Variants in KAT6A observed in about 807,000 individuals in gnomAD.
The protein encoded by KAT6A is lysine acetyltransferase 6A.
Under a neutral mutation model 198.4 loss-of-function variants are expected in KAT6A, and 9 were observed. The observed-to-expected ratio is 0.05, with a 90% CI of 0.03 to 0.08. The LOEUF (loss-of-function observed/expected upper bound fraction) is 0.08. Ranked by LOEUF, KAT6A falls within the 10% of genes least tolerant of loss-of-function variation. The probability of loss-of-function intolerance (pLI) is 1.00; values close to 1 mark genes in which losing one functional copy is unlikely to be tolerated. For missense variants in KAT6A, 2,077 were observed against 2,509.9 expected, an observed-to-expected ratio of 0.83 and a Z score of 3.69; for synonymous variants, 890 against 883.0, an observed-to-expected ratio of 1.01 and a Z score of -0.14.
Position 41,942,941 on chromosome 8 carries a change from T to G in KAT6A, c.2288A>C (p.Asn763Thr). 6.2e-7 allele frequency: 1 copy of G among 1,614,160 alleles called. No individual in the cohort carries two copies. The highest frequency in any genetic ancestry group is 1.3e-5 in the African/African-American group (1 of 75,026). Residue 763 changes from asparagine (N) to threonine (T), a missense_variant, in exon 14 of 17, where the codon AAT (asparagine) becomes ACT (threonine). Physicochemically the swap from Asn to Thr is moderately conservative, Grantham distance 65. This residue lies in a region of KAT6A where 127 missense variants were observed against 209.6 expected (regional missense o/e 0.61). Coordinates refer to ENST00000265713, the MANE Select transcript of KAT6A (RefSeq NM_006766.5). ...IQDHMAKLQLNLRPVDVDPEC... is the reference protein window; with the variant it reads ...IQDHMAKLQLTLRPVDVDPEC... ...TGGATCTACATCTACAGGTCGCAAA[T>G]TCAGCTGAAGCTTTGCCATGTGATC...
chr8:42,044,135 C>G (rs1827795906), intron 2 of KAT6A, among the ~76,000 whole-genome samples: 1 of 134,680 alleles, frequency 7.4e-6, no homozygotes, highest in Admixed American at 8.3e-5. Context: ...GAGTCTTGCT[C>G]TGTTGCCCAG....
rs1822474623 is a variant in KAT6A, at chr8:41,947,916, G to A, written c.1741-4C>T. The A allele has an allele frequency of 6.3e-7, 1 of 1,591,440 alleles. No homozygotes were observed. The highest frequency in any genetic ancestry group is 1.2e-5 in the South Asian group (1 of 86,696). On this transcript the variant is annotated splice_region_variant and splice_polypyrimidine_tract_variant and intron_variant, in intron 10 of 16. Coordinates refer to ENST00000265713, the MANE Select transcript of KAT6A (RefSeq NM_006766.5). ...TGGTACTCACATTCCCATCAACCTA[G>A]AGAAATAAACAGAACAAAACAGTCA...
At chr8:41,962,910 G>A (rs539246769) in intron 8 of KAT6A, among the ~76,000 whole-genome samples, 37 of 152,116 alleles carry the variant, frequency 2.4e-4, no homozygotes, top group South Asian at 4.1e-4. Flanking sequence ...CTATTCCCCC[G>A]TTACCTACAT....
At chr8:41,944,562 C>T (rs957024552) in intron 12 of KAT6A, among the ~76,000 whole-genome samples, 1 of 152,038 alleles carries the variant, frequency 6.6e-6, no homozygotes, top group African/African-American at 2.4e-5. Flanking sequence ...GGCCTAACTT[C>T]TAAGGAAAAG....
rs769549472 is a variant in KAT6A, at chr8:41,934,102, G to A, written c.4118C>T (p.Ser1373Phe). The A allele has an allele frequency of 1.5e-5, 24 of 1,613,904 alleles. No individual in the cohort carries two copies. The African/African-American group carries it at 2.8e-4, about 19-fold the overall frequency. ...GTCATGGGAAGGCTGCTCCTCTTCG[G>A]AATCCAGCTCGGTTTCCTCTTTATC... ...IKDKEETELD[S>F]EEEQPSHDTS... The change falls in exon 17 of 17, where the codon TCC (serine) becomes TTC (phenylalanine). Residue 1373 changes from serine to phenylalanine, a missense_variant. By Grantham distance (155) the Ser-to-Phe change is radical (BLOSUM62 -2). Coordinates refer to ENST00000265713, the MANE Select transcript of KAT6A (RefSeq NM_006766.5).
At position 41,956,954 on chromosome 8, in the gene KAT6A, T is replaced by C. The variant is rs192593417; in HGVS notation, c.1483-1543A>G. ...TCACAACTCAAAGTAATAACAACAG[T>C]ATAGGAAACTTTCAAAATAACTAAA... On this transcript the variant is annotated intron_variant, in intron 8 of 16. Transcript: ENST00000265713. The C allele has an allele frequency of 1.9e-3, 884 of 465,088 alleles. 2 individuals carry two copies. Among genetic ancestry groups the C allele is most frequent in the Non-Finnish European group, 2.5e-3 (565 of 227,552 alleles). 28.8% of individuals were successfully genotyped at this position (465,088 alleles called of 1,614,324 possible).
At chr8:41,963,616 T>C (rs568036090) in intron 8 of KAT6A, among the ~76,000 whole-genome samples, 1 of 152,334 alleles carries the variant, frequency 6.6e-6, no homozygotes, top group East Asian at 1.9e-4. Flanking sequence ...ACTGTAATCA[T>C]CTGACTGGTC....
chr8:42,046,793 T>C (rs1158910159), intron 2 of KAT6A, among the ~76,000 whole-genome samples: 1 of 152,320 alleles, frequency 6.6e-6, no homozygotes. Context: ...GAATTTTTAA[T>C]ATATACTTTT....
intron 2 of KAT6A, among the ~76,000 whole-genome samples, chr8:42,039,786 T>C (rs543401474): frequency 1.1e-3 from 167 of 152,178 alleles, no homozygotes; most frequent in Admixed American, 2.0e-3. Flanking sequence ...CAGGCTGGAG[T>C]GCAGTAGCGC....
At chr8:41,964,020 G>C (rs1402223518) in intron 8 of KAT6A, among the ~76,000 whole-genome samples, 1 of 152,038 alleles carries the variant, frequency 6.6e-6, no homozygotes, top group Non-Finnish European at 1.5e-5. Context: ...TAAAATTTTA[G>C]TTAACCACAA....
intron 8 of KAT6A, among the ~76,000 whole-genome samples, chr8:41,973,276 A>G (rs1823888425): frequency 6.7e-6 from 1 of 149,656 alleles, no homozygotes; most frequent in African/African-American, 2.5e-5. Context: ...CCCAGGCTGG[A>G]GTGGTGTGGC....
Position 41,933,261 on chromosome 8 carries a change from T to C in KAT6A, c.4959A>G (p.Pro1653=), listed in dbSNP as rs777027262. The C allele has an allele frequency of 1.5e-5, 24 of 1,548,424 alleles. No individual in the cohort carries two copies. Among genetic ancestry groups the C allele is most frequent in the Non-Finnish European group, 2.0e-5 (23 of 1,150,190 alleles). Residue 1653 remains proline, a synonymous_variant, in exon 17 of 17, where the codon CCA becomes CCG. Coordinates refer to ENST00000265713, the MANE Select transcript of KAT6A (RefSeq NM_006766.5). The surrounding 1 kb of genome is among the most constrained non-coding windows in gnomAD (Gnocchi z 6.2). ...GCGGCTGTGGCTGCTGTGGAGGCGG[T>C]GGTGGCGGCTGCTGCTGCTGGTTAC... ...PPSNQQQQPP[P]PPPQQPQPPP... is the part of the protein sequence containing the mutation.
intron 2 of KAT6A, among the ~76,000 whole-genome samples, chr8:42,008,699 C>T (rs945511145): frequency 1.3e-5 from 2 of 152,038 alleles, no homozygotes; most frequent in Non-Finnish European, 1.5e-5. Context: ...TCTAGTAGAA[C>T]TTTCTGGGAT....
chr8:41,955,648 C>T (rs543133436), intron 8 of KAT6A, among the ~76,000 whole-genome samples: 194 of 152,326 alleles, frequency 1.3e-3, no homozygotes, highest in African/African-American at 4.4e-3. Context: ...GGTGTTGCTG[C>T]ATTTCTACAT....
chr8:41,998,468 T>C (rs1014215470), intron 2 of KAT6A, among the ~76,000 whole-genome samples: 4 of 152,140 alleles, frequency 2.6e-5, no homozygotes, highest in Admixed American at 6.5e-5. Context: ...TCACTAATAA[T>C]AGCCTTTGAT....
intron 2 of KAT6A, among the ~76,000 whole-genome samples, chr8:42,037,541 C>T (rs997542772): frequency 6.6e-5 from 10 of 152,188 alleles, no homozygotes; most frequent in Non-Finnish European, 1.3e-4. Context: ...CACTTAGCAG[C>T]TCTTCAGGTC....
At chr8:41,960,549 A>G (rs1429187365) in intron 8 of KAT6A, among the ~76,000 whole-genome samples, 4 of 150,922 alleles carry the variant, frequency 2.7e-5, no homozygotes, top group Non-Finnish European at 1.5e-5. Flanking sequence ...TAACTTTTAC[A>G]TTATGTATAT....
At chr8:42,026,684 T>C (rs1826830987) in intron 2 of KAT6A, among the ~76,000 whole-genome samples, 1 of 152,274 alleles carries the variant, frequency 6.6e-6, no homozygotes, top group South Asian at 2.1e-4. Flanking sequence ...CATGTTTTTC[T>C]ACATATGAGA....
At chr8:42,035,433 A>G (rs752253134) in intron 2 of KAT6A, among the ~76,000 whole-genome samples, 7 of 152,240 alleles carry the variant, frequency 4.6e-5, no homozygotes, top group African/African-American at 9.6e-5. Flanking sequence ...AGTCATCAGT[A>G]AAGAACACAG....
Sources: gnomAD v4.1 joint callset for allele counts (sites outside exome capture counted in the v4.1 genomes callset) on GRCh38, gnomAD v4.1.1 for gene constraint, gnomAD v4.1.1 regional missense constraint, Gnocchi (gnomAD v3.1) non-coding constraint, MANE v1.5 for transcripts, NCBI Gene and HGNC (gene_info 2026-07-23, HGNC 2026-07-21) for gene names.